The following AUTS2 variants were observed in gnomAD, a reference collection of about 807,000 sequenced individuals.
The protein encoded by AUTS2 is activator of transcription and developmental regulator AUTS2.
Under a neutral mutation model 112.4 loss-of-function variants are expected in AUTS2, and 17 were observed. The observed-to-expected ratio is 0.15, with a 90% CI of 0.10 to 0.23. The LOEUF is 0.23. AUTS2 is among the 10% of genes least tolerant of loss of function. The pLI is 1.00. For synonymous variants in AUTS2, 751 were observed against 702.7 expected (o/e 1.07, Z -1.09); for missense variants, 1,510 against 1,701.6 (o/e 0.89, Z 1.98).
intron 5 of AUTS2, among the ~76,000 whole-genome samples, chr7:70,612,988 C>T (rs1316088069): frequency 1.3e-5 from 2 of 151,928 alleles, no homozygotes; most frequent in East Asian, 1.9e-4. Context: ...GGAGACAGCG[C>T]GGTGGTACAT....
intron 5 of AUTS2, among the ~76,000 whole-genome samples, chr7:70,479,068 GAA>G (rs752935981): frequency 1.7e-4 from 25 of 151,350 alleles, no homozygotes; most frequent in Non-Finnish European, 2.9e-4. Flanking sequence ...TAAGTGCAGA[GAA>G]AAAGGAGGTC....
intron 4 of AUTS2, among the ~76,000 whole-genome samples, chr7:70,231,752 G>T (rs12698876): frequency 1.2e-4 from 1 of 8,308 alleles, no homozygotes; most frequent in African/African-American, 5.5e-4. Context: ...TAGATATGAG[G>T]TTTTTTTGTT....
chr7:70,047,898 A>G (rs1279063382), intron 2 of AUTS2, among the ~76,000 whole-genome samples: 2 of 152,148 alleles, frequency 1.3e-5, no homozygotes, highest in Admixed American at 6.6e-5. Flanking sequence ...ATTTGATACA[A>G]CGCTTGACAT....
At chr7:70,642,816 T>C (rs1240274857) in intron 5 of AUTS2, among the ~76,000 whole-genome samples, 1 of 152,124 alleles carries the variant, frequency 6.6e-6, no homozygotes, top group Non-Finnish European at 1.5e-5. Flanking sequence ...CTCGTGCATC[T>C]TCCTCTGGCT....
At chr7:70,490,054 G>T (rs1427318079) in intron 5 of AUTS2, among the ~76,000 whole-genome samples, 1 of 152,134 alleles carries the variant, frequency 6.6e-6, no homozygotes, top group South Asian at 2.1e-4. Context: ...TACATTAATA[G>T]AGGAATGCTT....
At chr7:70,166,755 T>C (rs2129578137) in intron 4 of AUTS2, among the ~76,000 whole-genome samples, 1 of 152,270 alleles carries the variant, frequency 6.6e-6, no homozygotes, top group East Asian at 1.9e-4. Flanking sequence ...AGTACATAGA[T>C]ACCATATCAT....
chr7:70,646,811 G>A (rs1455102059), intron 5 of AUTS2, among the ~76,000 whole-genome samples: 2 of 152,222 alleles, frequency 1.3e-5, no homozygotes, highest in Admixed American at 1.3e-4. Context: ...AGCAGGGCTG[G>A]CCCAGAAGCT....
chr7:70,075,338 C>T lies in AUTS2; in HGVS notation c.523-42794C>T, dbSNP rs12667498. ...ATTTTAGACTCCGTGGGAAGGATGT[C>T]CCAGTGCAGAGTTGGCCTCTGTACC... On this transcript the variant is annotated intron_variant, in intron 2 of 18. Coordinates refer to ENST00000342771, the MANE Select transcript of AUTS2 (RefSeq NM_015570.4). 1.7e-3 allele frequency among the ~76,000 whole-genome samples: 259 copies of T among 152,248 alleles called. 7 individuals are homozygous for T. In the East Asian group the frequency reaches 0.045, roughly 27 times the overall value.
intron 5 of AUTS2, among the ~76,000 whole-genome samples, chr7:70,537,953 A>G (rs1360233824): frequency 6.6e-6 from 1 of 152,222 alleles, no homozygotes; most frequent in Non-Finnish European, 1.5e-5. Flanking sequence ...TTGTTCTTCC[A>G]AAGAGATAAA....
chr7:70,092,650 A>G (rs987030901), intron 2 of AUTS2, among the ~76,000 whole-genome samples: 28 of 152,168 alleles, frequency 1.8e-4, no homozygotes, highest in African/African-American at 6.3e-4. Context: ...TGGCACAGAC[A>G]TGGGAATAAT....
intron 4 of AUTS2, among the ~76,000 whole-genome samples, chr7:70,340,351 T>G (rs535182233): frequency 6.6e-6 from 1 of 152,258 alleles, no homozygotes; most frequent in East Asian, 1.9e-4. Flanking sequence ...TCGCAAACCT[T>G]ATTTATAACC....
chr7:70,709,329 G>C (rs547322034), intron 6 of AUTS2, among the ~76,000 whole-genome samples: 9 of 152,266 alleles, frequency 5.9e-5, no homozygotes, highest in African/African-American at 2.2e-4. Context: ...CACTCCATTT[G>C]ACTTGCTTTT....
rs1426833260 is a variant in AUTS2, at chr7:70,351,195, C to T, written c.661-84557C>T. Among the ~76,000 whole-genome samples, 8 of 151,952 alleles carry T rather than the reference C, an allele frequency of 5.3e-5. No individual in the cohort carries two copies. The South Asian group carries it at 8.3e-4, about 16-fold the overall frequency. On this transcript the variant is annotated intron_variant, in intron 4 of 18. Transcript: ENST00000342771. The stretch of plus-strand genomic sequence containing the variant: ...CCTCCCGAATAGCTGGGATTACAGG[C>T]GTGCGCCAATACGCCTGGCTAATTT...
intron 5 of AUTS2, among the ~76,000 whole-genome samples, chr7:70,684,143 A>C (rs952191926): frequency 4.6e-5 from 7 of 152,300 alleles, no homozygotes; most frequent in South Asian, 2.1e-4. Flanking sequence ...GGAAAAAAAA[A>C]AAAAGCTTTG....
At chr7:70,112,681 T>G (rs1805145553) in intron 2 of AUTS2, among the ~76,000 whole-genome samples, 1 of 152,016 alleles carries the variant, frequency 6.6e-6, no homozygotes, top group African/African-American at 2.4e-5. Flanking sequence ...CAGGTGATTT[T>G]TTTACCTATT....
At chr7:70,227,945 T>C (rs1161143022) in intron 4 of AUTS2, among the ~76,000 whole-genome samples, 2 of 152,200 alleles carry the variant, frequency 1.3e-5, no homozygotes, top group Admixed American at 6.5e-5. Flanking sequence ...TGTTTGATAG[T>C]GTTGGTCAAG....
intron 4 of AUTS2, chr7:70,294,198 G>A (rs1314490896): frequency 6.6e-6 from 1 of 152,170 alleles, no homozygotes; most frequent in Non-Finnish European, 1.5e-5. Context: ...GAAGATGATG[G>A]CAATTATAAT....
chr7:70,473,149 G>A (rs918250597), intron 5 of AUTS2, among the ~76,000 whole-genome samples: 4 of 152,188 alleles, frequency 2.6e-5, no homozygotes, highest in African/African-American at 7.2e-5. Context: ...AAGGACGGGG[G>A]AGGGGAGCCA....
At chr7:69,756,481 T>C (rs1316289956) in intron 1 of AUTS2, among the ~76,000 whole-genome samples, 4 of 152,198 alleles carry the variant, frequency 2.6e-5, no homozygotes, top group Admixed American at 2.6e-4. Context: ...GCTGTGGAAA[T>C]ACTCAGGATT....
Sources: allele counts gnomAD v4.1 joint callset (sites outside exome capture counted in the v4.1 genomes callset), GRCh38; gene constraint gnomAD v4.1.1; transcripts MANE v1.5; gene names NCBI Gene and HGNC (gene_info 2026-07-23, HGNC 2026-07-21).